PCSK5: variants seen among roughly 807,000 people sequenced by gnomAD.
The protein encoded by PCSK5 is prohormone convertase 5.
PCSK5 carries 129 observed loss-of-function variants against 233.2 expected under a neutral mutation model. That is an observed-to-expected ratio of 0.55 (90% CI 0.48 to 0.64). The LOEUF (loss-of-function observed/expected upper bound fraction) is 0.64, where lower values mean the gene tolerates loss of function less well. Ranked by LOEUF, PCSK5 falls within the 30% of genes least tolerant of loss-of-function variation. PCSK5 has a pLI of 0.00. For missense variants in PCSK5, 2,076 were observed against 2,430.1 expected (o/e 0.85, Z 3.06); for synonymous variants, 825 against 879.2 (o/e 0.94, Z 1.09).
intron 7 of PCSK5, among the ~76,000 whole-genome samples, chr9:76,077,390 C>T (rs1204984674): frequency 6.6e-6 from 1 of 152,116 alleles, no homozygotes; most frequent in East Asian, 1.9e-4. Flanking sequence ...CTTAAAAGAA[C>T]AAGAGGAGAC....
chr9:76,124,412 A>G (rs571454573), intron 9 of PCSK5, among the ~76,000 whole-genome samples: 1 of 152,216 alleles, frequency 6.6e-6, no homozygotes, highest in African/African-American at 2.4e-5. Context: ...TGTCCTCCAA[A>G]TCCATCGGCT....
chr9:75,910,916 A>G (rs1050713752), intron 1 of PCSK5, among the ~76,000 whole-genome samples: 1 of 152,326 alleles, frequency 6.6e-6, no homozygotes, highest in African/African-American at 2.4e-5. Flanking sequence ...AGTGGGGAAC[A>G]TCTGAGATTT....
chr9:76,362,912 A>G lies in PCSK5; in HGVS notation c.*3990A>G, dbSNP rs1394665429. Among the ~76,000 whole-genome samples, 1 of 152,108 alleles carries G rather than the reference A, an allele frequency of 6.6e-6. No individual in the cohort carries two copies. Among genetic ancestry groups the G allele is most frequent in the African/African-American group, 2.4e-5 (1 of 41,430 alleles). On this transcript the variant is annotated 3_prime_UTR_variant, in exon 38 of 38. Coordinates refer to ENST00000674117, the MANE Select transcript of PCSK5 (RefSeq NM_001372043.1). ...AGGGACAGGAATTGCTCACTCGGGG[A>G]GCTCGGCTCTTGAGACAGGAGTCTT...
At chr9:76,308,776 T>C (rs779305891) in intron 29 of PCSK5, 48 bp downstream of exon 29, 16 of 1,182,520 alleles carry the variant, frequency 1.4e-5, no homozygotes, top group Non-Finnish European at 2.0e-5. Flanking sequence ...GCCAAGTCAT[T>C]GAAACTCATG....
chr9:76,100,666 C>A (rs1831717397), intron 8 of PCSK5, among the ~76,000 whole-genome samples: 1 of 152,132 alleles, frequency 6.6e-6, no homozygotes, highest in Non-Finnish European at 1.5e-5. Context: ...GCTTTTCTTA[C>A]CTGTTTTGAG....
chr9:75,986,042 T>C (rs1826499562), intron 2 of PCSK5, 90 bp from the exon 3 acceptor site: 4 of 767,236 alleles, frequency 5.2e-6, no homozygotes, highest in Non-Finnish European at 9.1e-6. Flanking sequence ...TAAATAGCCT[T>C]GACTTACAAT....
chr9:76,267,201 C>A (rs543689328), intron 24 of PCSK5, among the ~76,000 whole-genome samples: 75 of 152,130 alleles, frequency 4.9e-4, no homozygotes, highest in Non-Finnish European at 9.3e-4. Flanking sequence ...GTAAACCCTG[C>A]AAACTGGTTC....
chr9:75,907,609 C>T (rs922708855), intron 1 of PCSK5, among the ~76,000 whole-genome samples: 8 of 152,062 alleles, frequency 5.3e-5, no homozygotes, highest in East Asian at 1.9e-4. Flanking sequence ...TGTGACAGCA[C>T]GCACTCCGAG....
chr9:75,974,507 G>A (rs987834859), intron 2 of PCSK5, among the ~76,000 whole-genome samples: 10 of 152,126 alleles, frequency 6.6e-5, no homozygotes, highest in African/African-American at 2.4e-4. Context: ...AGGCCGAAAG[G>A]CATGCTTTTC....
At chr9:76,222,782 C>T (rs11144802) in intron 20 of PCSK5, among the ~76,000 whole-genome samples, 65,416 of 151,900 alleles carry the variant, frequency 0.43, 14,377 homozygotes, top group South Asian at 0.49. Flanking sequence ...CTTAACAAAG[C>T]TTTGAAAAAC....
chr9:76,203,482 C>T (rs1824992252), intron 20 of PCSK5, among the ~76,000 whole-genome samples: 1 of 151,408 alleles, frequency 6.6e-6, no homozygotes, highest in African/African-American at 2.4e-5. Context: ...TAGAAGAAGG[C>T]AAAACAAGCA....
At chr9:75,921,393 T>C (rs1823252548) in intron 1 of PCSK5, among the ~76,000 whole-genome samples, 1 of 152,242 alleles carries the variant, frequency 6.6e-6, no homozygotes, top group Non-Finnish European at 1.5e-5. Flanking sequence ...TATACTGTTC[T>C]AGGCAGTAAT....
At chr9:76,271,849 T>C (rs1008193466) in intron 24 of PCSK5, among the ~76,000 whole-genome samples, 1 of 152,132 alleles carries the variant, frequency 6.6e-6, no homozygotes, top group Non-Finnish European at 1.5e-5. Context: ...GTCCTTGGCA[T>C]TCTTTATCTT....
intron 9 of PCSK5, among the ~76,000 whole-genome samples, chr9:76,108,917 G>A (rs1446359998): frequency 6.6e-6 from 1 of 152,190 alleles, no homozygotes; most frequent in Non-Finnish European, 1.5e-5. Flanking sequence ...GAAACCGGGG[G>A]AAGGACATGG....
intron 5 of PCSK5, among the ~76,000 whole-genome samples, chr9:76,042,108 G>A (rs1253675983): frequency 2.0e-5 from 3 of 152,068 alleles, no homozygotes; most frequent in South Asian, 2.1e-4. Flanking sequence ...TGGAAGCTGA[G>A]TTTTGCTACA....
chr9:76,230,024 C>T (rs1179628706), intron 21 of PCSK5, among the ~76,000 whole-genome samples: 1 of 152,202 alleles, frequency 6.6e-6, no homozygotes, highest in Non-Finnish European at 1.5e-5. Context: ...CTTTAAGGAA[C>T]ATTTTCATCA....
At chr9:75,964,994 C>T (rs1226104428) in intron 2 of PCSK5, among the ~76,000 whole-genome samples, 2 of 152,122 alleles carry the variant, frequency 1.3e-5, no homozygotes, top group African/African-American at 4.8e-5. Flanking sequence ...CAGAGGCAGG[C>T]CTGAGGGGGA....
At chr9:76,325,644 C>CTTTCTTTTTTTTTTTTTTTT (rs1230191426) in intron 32 of PCSK5, among the ~76,000 whole-genome samples, 23 of 150,436 alleles carry the variant, frequency 1.5e-4, no homozygotes, top group African/African-American at 2.7e-4. Context: ...ATTGCACTTT[C>CTTTCTTTTTTTTTTTTTTTT]TTTTTTTTGA....
intron 2 of PCSK5, among the ~76,000 whole-genome samples, chr9:75,954,282 A>G (rs1012460321): frequency 1.3e-5 from 2 of 152,164 alleles, no homozygotes; most frequent in African/African-American, 4.8e-5. Context: ...ACTCATCAAT[A>G]ATTTTAACAC....
Sources: allele counts gnomAD v4.1 joint callset (sites outside exome capture counted in the v4.1 genomes callset), GRCh38; gene constraint gnomAD v4.1.1; transcripts MANE v1.5; gene names NCBI Gene and HGNC (gene_info 2026-07-23, HGNC 2026-07-21).